AMPH: variants seen among roughly 807,000 people sequenced by gnomAD.
AMPH encodes amphiphysin (Stiff-Mann syndrome with breast cancer 128kD autoantigen).
AMPH carries 49 observed loss-of-function variants against 99.1 expected under a neutral mutation model. That is an observed-to-expected ratio of 0.49 (90% CI 0.39 to 0.63). The LOEUF (loss-of-function observed/expected upper bound fraction) is 0.63, where lower values mean the gene tolerates loss of function less well. AMPH is among the 20% of genes least tolerant of loss of function. The pLI is 0.00. For synonymous variants in AMPH, 314 were observed against 317.3 expected (o/e 0.99, Z 0.11); for missense variants, 759 against 863.4 (o/e 0.88, Z 1.52).
chr7:38,558,319 C>A (rs999996632), intron 1 of AMPH, among the ~76,000 whole-genome samples: 2 of 152,198 alleles, frequency 1.3e-5, no homozygotes, highest in Non-Finnish European at 2.9e-5. Flanking sequence ...GGTTCTGCAC[C>A]ACCCACAGGC....
At chr7:38,543,911 C>T (rs557597796) in intron 1 of AMPH, among the ~76,000 whole-genome samples, 4 of 152,216 alleles carry the variant, frequency 2.6e-5, no homozygotes, top group South Asian at 2.1e-4. Flanking sequence ...AGGAAGAAAT[C>T]GCAATACCCA....
chr7:38,481,348 G>C (rs1788275875), intron 5 of AMPH, among the ~76,000 whole-genome samples: 2 of 151,812 alleles, frequency 1.3e-5, no homozygotes, highest in African/African-American at 4.8e-5. Context: ...CTTGAAAAGA[G>C]AAAAAGAAGT....
At position 38,503,719 on chromosome 7, in the gene AMPH, C is replaced by G; in HGVS notation, c.151-15G>C. Reference sequence around the variant, plus strand: ...GTACCCTCTGCCTAAAAAACACAAGCACAGATGCTAAATATCTAGTCTATA... The same window carrying G: ...GTACCCTCTGCCTAAAAAACACAAGGACAGATGCTAAATATCTAGTCTATA... On this transcript the variant is annotated splice_polypyrimidine_tract_variant and intron_variant, in intron 2 of 20. Transcript: ENST00000356264. The G allele has an allele frequency of 6.2e-7, 1 of 1,613,150 alleles. No individual in the cohort carries two copies. The highest frequency in any genetic ancestry group is 1.1e-5 in the South Asian group (1 of 91,064).
intron 14 of AMPH, chr7:38,427,724 G>A (rs912102899): frequency 1.1e-5 from 4 of 353,738 alleles, no homozygotes. Context: ...ATCTGTTAGA[G>A]AGATCAGGCC....
chr7:38,516,999 A>C (rs1789772751), intron 2 of AMPH, among the ~76,000 whole-genome samples: 1 of 152,164 alleles, frequency 6.6e-6, no homozygotes, highest in Non-Finnish European at 1.5e-5. Flanking sequence ...CAATGCCTGT[A>C]TCTCTATTGT....
At chr7:38,435,813 G>A (rs188086972) in intron 12 of AMPH, among the ~76,000 whole-genome samples, 1 of 152,168 alleles carries the variant, frequency 6.6e-6, no homozygotes, top group African/African-American at 2.4e-5. Flanking sequence ...AGTTCAGAAC[G>A]ATCAACACTG....
chr7:38,535,336 T>C lies in AMPH; in HGVS notation c.70-325A>G, dbSNP rs542150446. 2.0e-5 allele frequency among the ~76,000 whole-genome samples: 3 copies of C among 152,336 alleles called. No individual in the cohort carries two copies. In the South Asian group the frequency reaches 6.2e-4, roughly 32 times the overall value. On this transcript the variant is annotated intron_variant, in intron 1 of 20. Coordinates refer to ENST00000356264, the MANE Select transcript of AMPH (RefSeq NM_001635.4). ...AGACAGAAGCTATGCCTTATTTGTC[T>C]TTTTGTCCAAAGCATCTGGCACAAT...
At chr7:38,445,315 T>C (rs895976955) in intron 11 of AMPH, among the ~76,000 whole-genome samples, 3 of 151,978 alleles carry the variant, frequency 2.0e-5, no homozygotes, top group African/African-American at 7.3e-5. Flanking sequence ...AAATAAAACT[T>C]CTAAAAAATA....
intron 2 of AMPH, chr7:38,530,956 T>G (rs1790376161): frequency 6.6e-6 from 1 of 152,190 alleles, no homozygotes; most frequent in Non-Finnish European, 1.5e-5. Context: ...GAAGAGTTCA[T>G]TCTATTCCCT....
chr7:38,607,557 G>C (rs753972785), intron 1 of AMPH, among the ~76,000 whole-genome samples: 2 of 152,156 alleles, frequency 1.3e-5, no homozygotes, highest in South Asian at 2.1e-4. Flanking sequence ...CAGGACCCCC[G>C]GTGAAGCAAG....
intron 11 of AMPH, among the ~76,000 whole-genome samples, chr7:38,457,224 C>T (rs1171558328): frequency 6.6e-6 from 1 of 152,128 alleles, no homozygotes; most frequent in Admixed American, 6.5e-5. Context: ...GGAAATATGA[C>T]ACTTCCAAAG....
intron 6 of AMPH, 145 bp from the exon 7 acceptor site, chr7:38,475,561 T>C: frequency 1.7e-6 from 1 of 595,296 alleles, no homozygotes; most frequent in Non-Finnish European, 2.9e-6. Context: ...CATATCCTTG[T>C]TTTTCAATTA....
intron 16 of AMPH, 62 bp from the exon 17 acceptor site, chr7:38,418,012 C>T (rs540264095): frequency 1.3e-6 from 2 of 1,553,704 alleles, no homozygotes; most frequent in African/African-American, 1.4e-5. Flanking sequence ...GATAACATTA[C>T]AGAATACTGG....
chr7:38,409,236 C>T (rs1184768824), intron 17 of AMPH, among the ~76,000 whole-genome samples: 1 of 152,180 alleles, frequency 6.6e-6, no homozygotes, highest in Non-Finnish European at 1.5e-5. Flanking sequence ...CCTTTTCTTG[C>T]CCATCTCTAA....
At chr7:38,624,269 T>C (rs555898571) in intron 1 of AMPH, among the ~76,000 whole-genome samples, 4 of 151,898 alleles carry the variant, frequency 2.6e-5, no homozygotes, top group Non-Finnish European at 1.5e-5. Flanking sequence ...GAAAAAAAAA[T>C]TGCACCTAAG....
chr7:38,444,031 T>C (rs1383312240), intron 11 of AMPH, among the ~76,000 whole-genome samples: 1 of 152,004 alleles, frequency 6.6e-6, no homozygotes, highest in Non-Finnish European at 1.5e-5. Context: ...CAGTTGTACT[T>C]ATAGACAATA....
rs1562835238 is a variant in AMPH at position 38,571,279 on chromosome 7, TTTTATATATATTTATATATGAA to T, written c.70-36290_70-36269del. On this transcript the variant is annotated intron_variant, in intron 1 of 20. Transcript: ENST00000356264. ...ATTAAATATATATTTATATATATAT[TTTTATATATATTTATATATGAA>T]TATATATATTTATATATAGAATATA... is the stretch of plus-strand genomic sequence containing the variant. Among the ~76,000 whole-genome samples, 169 of 33,708 alleles carry T rather than the reference TTTTATATATATTTATATATGAA, an allele frequency of 5.0e-3. 2 individuals are homozygous for T. The highest frequency in any genetic ancestry group is 0.016 in the East Asian group (18 of 1,130). 22.1% of individuals were successfully genotyped at this position (33,708 alleles called of 152,430 possible). A position where few individuals can be genotyped will look rare whatever the true frequency, so the allele number is the denominator to read the frequency against.
intron 1 of AMPH, among the ~76,000 whole-genome samples, chr7:38,539,519 AG>A (rs1211932497): frequency 6.6e-6 from 1 of 152,228 alleles, no homozygotes; most frequent in Non-Finnish European, 1.5e-5. Context: ...CATCTTACTC[AG>A]GAAGAGGCAC....
chr7:38,549,460 C>A (rs776960020), intron 1 of AMPH, among the ~76,000 whole-genome samples: 2 of 152,216 alleles, frequency 1.3e-5, no homozygotes, highest in African/African-American at 2.4e-5. Context: ...AGAAAGGATG[C>A]TACATCCCAC....
Sources: gnomAD v4.1 joint callset for allele counts (sites outside exome capture counted in the v4.1 genomes callset) on GRCh38, gnomAD v4.1.1 for gene constraint, MANE v1.5 for transcripts, NCBI Gene and HGNC (gene_info 2026-07-23, HGNC 2026-07-21) for gene names.